The following ADAMTS19 variants were observed in gnomAD, a reference collection of about 807,000 sequenced individuals.
ADAMTS19 encodes the protein A disintegrin and metalloproteinase with thrombospondin motifs 19.
A neutral mutation model predicts 153.3 loss-of-function variants in ADAMTS19; 93 were observed. The observed-to-expected ratio is 0.61, with a 90% confidence interval of 0.51 to 0.72. ADAMTS19 has a LOEUF of 0.72. Among genes scored for constraint, ADAMTS19 ranks in the 30% least tolerant of loss-of-function variants. The pLI is 0.00. For missense variants in ADAMTS19, 1,482 were observed against 1,552.1 expected, an observed-to-expected ratio of 0.95 and a Z score of 0.76; for synonymous variants, 600 against 556.6, an observed-to-expected ratio of 1.08 and a Z score of -1.10.
At chr5:129,728,114 T>C (rs2127213682) in intron 21 of ADAMTS19, among the ~76,000 whole-genome samples, 1 of 152,254 alleles carries the variant, frequency 6.6e-6, no homozygotes, top group East Asian at 1.9e-4. Context: ...TGCATTAGCA[T>C]GCTAAAAGAC....
intron 2 of ADAMTS19, among the ~76,000 whole-genome samples, chr5:129,465,026 G>T (rs916807699): frequency 1.3e-5 from 2 of 152,084 alleles, no homozygotes; most frequent in African/African-American, 4.8e-5. Context: ...AACCTAACTT[G>T]CCAGTTACCA....
intron 7 of ADAMTS19, among the ~76,000 whole-genome samples, chr5:129,579,273 A>G (rs1749382271): frequency 6.6e-6 from 1 of 151,976 alleles, no homozygotes; most frequent in African/African-American, 2.4e-5. Flanking sequence ...TCCTTAGCCC[A>G]CTTTTTGATG....
intron 10 of ADAMTS19, among the ~76,000 whole-genome samples, chr5:129,639,473 G>A (rs985722212): frequency 3.3e-5 from 5 of 152,152 alleles, no homozygotes; most frequent in African/African-American, 1.2e-4. Flanking sequence ...ATCTCTGAGA[G>A]AGATTTTATT....
intron 7 of ADAMTS19, among the ~76,000 whole-genome samples, chr5:129,564,006 G>C (rs1025430507): frequency 1.3e-5 from 2 of 151,848 alleles, no homozygotes; most frequent in African/African-American, 4.8e-5. Context: ...TGGAACCTCC[G>C]CCTCCTGGGT....
intron 2 of ADAMTS19, among the ~76,000 whole-genome samples, chr5:129,499,497 T>C (rs937995109): frequency 3.3e-5 from 5 of 152,126 alleles, no homozygotes; most frequent in Non-Finnish European, 7.4e-5. Context: ...ATTTTGAATC[T>C]TTTAAAATCT....
At chr5:129,633,659 G>A (rs1269258578) in intron 10 of ADAMTS19, among the ~76,000 whole-genome samples, 3 of 152,066 alleles carry the variant, frequency 2.0e-5, no homozygotes, top group African/African-American at 7.2e-5. Context: ...TAGAGACTCT[G>A]GATTCTGTTA....
chr5:129,701,428 G>A lies in ADAMTS19; in HGVS notation c.2995G>A (p.Gly999Arg), dbSNP rs867102437. The change falls in exon 20 of 23, where the codon GGA becomes AGA. Residue 999 changes from glycine to arginine, a missense_variant. This residue lies in a region of ADAMTS19 where 616 missense variants were observed against 724.4 expected (regional missense o/e 0.85). Transcript: ENST00000274487. Reference protein sequence around the residue: ...TEWTPCSRTCGKGMQSRQVAC... With the variant: ...TEWTPCSRTCRKGMQSRQVAC... ...ATGGACCCCTTGTTCACGAACTTGTGGAAAAGGAATGCAGAGCAGACAAGT... is the reference window on the plus strand; with the variant it reads ...ATGGACCCCTTGTTCACGAACTTGTAGAAAAGGAATGCAGAGCAGACAAGT... 6.2e-7 allele frequency: 1 copy of A among 1,614,158 alleles called. No homozygotes were observed. Among genetic ancestry groups the A allele is most frequent in the South Asian group, 1.1e-5 (1 of 91,084 alleles).
intron 20 of ADAMTS19, 61 bp downstream of exon 20, chr5:129,701,653 AG>A: frequency 6.5e-7 from 1 of 1,544,712 alleles, no homozygotes; most frequent in Non-Finnish European, 8.8e-7. Flanking sequence ...GTACAAGATC[AG>A]GTTGGATCAT....
chr5:129,608,088 ATATGTG>A (rs1415776912), intron 8 of ADAMTS19, among the ~76,000 whole-genome samples: 1 of 99,346 alleles, frequency 1.0e-5, no homozygotes, highest in Non-Finnish European at 1.8e-5. Context: ...AATTTTATAT[ATATGTG>A]TGTGTGTGTG....
intron 18 of ADAMTS19, among the ~76,000 whole-genome samples, 156 bp from the exon 19 acceptor site, chr5:129,694,564 C>T: frequency 6.6e-6 from 1 of 151,500 alleles, no homozygotes; most frequent in Admixed American, 6.6e-5. Context: ...AAAATGTATA[C>T]ATCTAATATG....
At chr5:129,669,098 A>G (rs1259736767) in intron 16 of ADAMTS19, among the ~76,000 whole-genome samples, 5 of 151,966 alleles carry the variant, frequency 3.3e-5, no homozygotes, top group Admixed American at 2.0e-4. Context: ...GTATATATAT[A>G]TATATTCAAA....
chr5:129,664,258 A>G (rs185325045), intron 15 of ADAMTS19, among the ~76,000 whole-genome samples: 14 of 152,318 alleles, frequency 9.2e-5, no homozygotes, highest in Admixed American at 4.6e-4. Context: ...ACTCATTTAT[A>G]TAAGGTAGTT....
intron 7 of ADAMTS19, among the ~76,000 whole-genome samples, chr5:129,576,015 T>C (rs1020578998): frequency 2.7e-5 from 4 of 148,356 alleles, no homozygotes; most frequent in African/African-American, 5.0e-5. Flanking sequence ...CTTCCTTCCA[T>C]ATAAAAGCAA....
chr5:129,736,713 AG>A (rs1434337838), intron 22 of ADAMTS19, among the ~76,000 whole-genome samples: 1 of 152,090 alleles, frequency 6.6e-6, no homozygotes, highest in Non-Finnish European at 1.5e-5. Context: ...ATTCACATAA[AG>A]GTAGATATAT....
At position 129,599,833 on chromosome 5, in the gene ADAMTS19, C is replaced by G. The variant is rs866287941; in HGVS notation, c.1478+3169C>G. ...GTACCCAAAATCAATAGAGATGTGC[C>G]AAAGGTATGTGTAATACTTGATGGA... On this transcript the variant is annotated intron_variant, in intron 8 of 22. Coordinates refer to ENST00000274487, the MANE Select transcript of ADAMTS19 (RefSeq NM_133638.6). 3.9e-5 allele frequency among the ~76,000 whole-genome samples: 6 copies of G among 151,968 alleles called. No homozygotes were observed. In the South Asian group the frequency reaches 1.0e-3, roughly 26 times the overall value.
At chr5:129,667,767 A>C (rs776649086) in intron 16 of ADAMTS19, among the ~76,000 whole-genome samples, 1 of 152,120 alleles carries the variant, frequency 6.6e-6, no homozygotes. Flanking sequence ...TATTTTCTTT[A>C]TAAACTACCC....
At position 129,729,835 on chromosome 5, in the gene ADAMTS19, T is replaced by A. The variant is rs1425957836; in HGVS notation, c.3313-5097T>A. ...GATGTGTTACTTTGCTTTGCTCATA[T>A]CCCTTGGAGTTGATTATGTAAGATT... On this transcript the variant is annotated intron_variant, in intron 21 of 22. Transcript: ENST00000274487. 2.2e-4 allele frequency among the ~76,000 whole-genome samples: 33 copies of A among 152,084 alleles called. 1 individual carries two copies. Among genetic ancestry groups the A allele is most frequent in the Admixed American group, 2.2e-3 (33 of 15,256 alleles).
At chr5:129,671,885 G>A (rs1480234476) in intron 16 of ADAMTS19, among the ~76,000 whole-genome samples, 1 of 151,628 alleles carries the variant, frequency 6.6e-6, no homozygotes, top group Non-Finnish European at 1.5e-5. Flanking sequence ...TGTATGTAAA[G>A]CACTATGGAC....
At chr5:129,702,942 ATATATATATAT>A (rs1478494053) in intron 20 of ADAMTS19, among the ~76,000 whole-genome samples, 49 of 19,882 alleles carry the variant, frequency 2.5e-3, no homozygotes, top group African/African-American at 4.7e-3. Flanking sequence ...AAAAAAAAAA[ATATATATATAT>A]ATATATATAT....
Sources: allele counts gnomAD v4.1 joint callset (sites outside exome capture counted in the v4.1 genomes callset), GRCh38; gene constraint gnomAD v4.1.1; regional missense constraint gnomAD v4.1.1; transcripts MANE v1.5; gene names NCBI Gene and HGNC (gene_info 2026-07-23, HGNC 2026-07-21).